Variants in MLIP observed in about 807,000 individuals in gnomAD.
MLIP encodes the protein muscular LMNA-interacting protein.
Under a neutral mutation model 84.8 loss-of-function variants are expected in MLIP, and 79 were observed. The ratio of observed to expected loss-of-function variants is 0.93; its 90% CI spans 0.78 to 1.12. The LOEUF (loss-of-function observed/expected upper bound fraction) is 1.12, where lower values mean the gene tolerates loss of function less well. Ranked by LOEUF, MLIP falls within the 50% of genes most tolerant of loss-of-function variation. MLIP has a pLI of 0.00. For missense variants in MLIP, 1,257 were observed against 1,160.6 expected, an observed-to-expected ratio of 1.08 and a Z score of -1.21; for synonymous variants, 504 against 463.0, an observed-to-expected ratio of 1.09 and a Z score of -1.14.
In MLIP at chr6:54,075,762, G is replaced by C. The variant is rs11965076; in HGVS notation, c.64-45685G>C. Among the ~76,000 whole-genome samples the C allele has an allele frequency of 7.3e-3, 1,109 of 152,254 alleles. 2 individuals are homozygous for C. The highest frequency in any genetic ancestry group is 0.011 in the Non-Finnish European group (778 of 68,008). On this transcript the variant is annotated intron_variant, in intron 1 of 12. Transcript: ENST00000274897. ...CCTCTTTTATTCCATATGGGCTCCT[G>C]GTCTCTCAGGTCACCAAGGTAGTTT...
chr6:54,092,390 G>A (rs923829991), intron 1 of MLIP, among the ~76,000 whole-genome samples: 11 of 151,974 alleles, frequency 7.2e-5, no homozygotes, highest in African/African-American at 2.7e-4. Context: ...TATATATCTT[G>A]GTACAAGTTC....
At chr6:54,213,323 T>G (rs1211835881) in intron 11 of MLIP, among the ~76,000 whole-genome samples, 1 of 152,210 alleles carries the variant, frequency 6.6e-6, no homozygotes, top group Non-Finnish European at 1.5e-5. Flanking sequence ...ATAATACTCC[T>G]TAAGCATGAA....
In MLIP at chr6:54,160,789, A is replaced by G; in HGVS notation, c.2489A>G (p.Asp830Gly). 1 of 1,605,422 alleles carries G rather than the reference A, an allele frequency of 6.2e-7. No homozygotes were observed. The highest frequency in any genetic ancestry group is 8.5e-7 in the Non-Finnish European group (1 of 1,173,432). ...TCCCCAAAGACATTGTTGGGTTCTG[A>G]CACAGTCAAAGTATGTATGTATTTA... ...SRSPKTLLGS[D>G]TVKTPTTLPR... is the part of the protein sequence containing the mutation. Residue 830 changes from aspartate to glycine, a missense_variant, in exon 8 of 14, where the codon GAC (aspartate) becomes GGC (glycine). By Grantham distance (94) the Asp-to-Gly change is moderately conservative. Coordinates refer to ENST00000502396, the MANE Select transcript of MLIP (RefSeq NM_001281747.2).
intron 9 of MLIP, among the ~76,000 whole-genome samples, chr6:54,187,226 A>C (rs1209409369): frequency 2.6e-5 from 4 of 152,166 alleles, no homozygotes; most frequent in African/African-American, 7.2e-5. Flanking sequence ...GGCCCCCATG[A>C]GGGCAAATGT....
intron 9 of MLIP, among the ~76,000 whole-genome samples, chr6:54,174,121 CTTTA>C: frequency 6.6e-6 from 1 of 152,078 alleles, no homozygotes; most frequent in African/African-American, 2.4e-5. Context: ...ACCATGTTTT[CTTTA>C]TTCATTCATC....
chr6:54,235,195 T>C (rs1781282606), intron 12 of MLIP, among the ~76,000 whole-genome samples: 1 of 152,244 alleles, frequency 6.6e-6, no homozygotes, highest in South Asian at 2.1e-4. Flanking sequence ...TGCGTTCTTA[T>C]ATTTTCTCAC....
At chr6:54,087,748 A>G (rs1162850321) in intron 1 of MLIP, among the ~76,000 whole-genome samples, 1 of 152,034 alleles carries the variant, frequency 6.6e-6, no homozygotes, top group Non-Finnish European at 1.5e-5. Flanking sequence ...TGATGCTGCC[A>G]TTTACTGAAC....
intron 1 of MLIP, among the ~76,000 whole-genome samples, chr6:54,114,738 T>A (rs2150414250): frequency 6.6e-6 from 1 of 152,332 alleles, no homozygotes; most frequent in East Asian, 1.9e-4. Context: ...TAGGGATTTT[T>A]GTTCACTGTT....
In MLIP at chr6:54,230,932, C is replaced by G. The variant is rs749835954; in HGVS notation, c.2922+15C>G. ...CATGCAACAAGGTGAGAACTCCTCCCCAAAATGAGGACTATTCTATTCTGT... is the reference window on the plus strand; with the variant it reads ...CATGCAACAAGGTGAGAACTCCTCCGCAAAATGAGGACTATTCTATTCTGT... On this transcript the variant is annotated intron_variant, in intron 12 of 13. Coordinates refer to ENST00000502396, the MANE Select transcript of MLIP (RefSeq NM_001281747.2). The G allele has an allele frequency of 6.2e-7, 1 of 1,611,620 alleles. No homozygotes were observed. The highest frequency in any genetic ancestry group is 2.2e-5 in the East Asian group (1 of 44,854).
chr6:54,202,288 AAATATATAT>A (rs1778742335), intron 11 of MLIP, 55 bp downstream of exon 11: 11 of 727,606 alleles, frequency 1.5e-5, no homozygotes, highest in Middle Eastern at 4.6e-4. Flanking sequence ...AATATATATA[AAATATATAT>A]AAATATATAA....
At position 54,074,206 on chromosome 6, in the gene MLIP, A is replaced by T. The variant is rs146446793; in HGVS notation, c.64-47241A>T. Among the ~76,000 whole-genome samples the T allele has an allele frequency of 5.1e-3, 771 of 152,220 alleles. 7 individuals carry two copies. The highest frequency in any genetic ancestry group is 0.017 in the African/African-American group (718 of 41,520). On this transcript the variant is annotated intron_variant, in intron 1 of 12. Transcript: ENST00000274897. The stretch of plus-strand genomic sequence containing the variant: ...TGGCTCCCAGTATGTTCCTGTTGTG[A>T]TAGGTAGAAATATGTAATTGATTTT...
chr6:54,127,139 T>A (rs1488426871), intron 3 of MLIP, among the ~76,000 whole-genome samples: 1 of 152,166 alleles, frequency 6.6e-6, no homozygotes, highest in Non-Finnish European at 1.5e-5. Context: ...TCAAGTAGCA[T>A]CTCCTCTTAA....
At chr6:54,208,252 A>C (rs1779180181) in intron 11 of MLIP, among the ~76,000 whole-genome samples, 1 of 152,232 alleles carries the variant, frequency 6.6e-6, no homozygotes, top group Non-Finnish European at 1.5e-5. Context: ...TTTAAATAAT[A>C]TCCAAAATAA....
rs116489593 is a variant in MLIP at position 54,215,278 on chromosome 6, C to T, written c.2718+13045C>T. 2.5e-3 allele frequency: 3,641 copies of T among 1,476,466 alleles called. 76 individuals are homozygous for T. In the African/African-American group the frequency reaches 0.043, roughly 17 times the overall value. 91.5% of individuals were successfully genotyped at this position (1,476,466 alleles called of 1,614,324 possible). On this transcript the variant is annotated intron_variant, in intron 11 of 13. Coordinates refer to ENST00000502396, the MANE Select transcript of MLIP (RefSeq NM_001281747.2). Reference sequence around the variant, plus strand: ...CTACTTCCTGAAAAAGAGAAAAAGACGATGATAGAATTCAATGGCAAGAAC... The same window carrying T: ...CTACTTCCTGAAAAAGAGAAAAAGATGATGATAGAATTCAATGGCAAGAAC...
intron 1 of MLIP, among the ~76,000 whole-genome samples, chr6:54,041,517 C>G (rs1764740840): frequency 6.6e-6 from 1 of 151,998 alleles, no homozygotes; most frequent in Non-Finnish European, 1.5e-5. Context: ...TCCAGGGTGG[C>G]CAAAATATTT....
intron 12 of MLIP, among the ~76,000 whole-genome samples, chr6:54,256,084 G>A (rs1483219292): frequency 6.6e-6 from 1 of 152,118 alleles, no homozygotes; most frequent in African/African-American, 2.4e-5. Context: ...GCCAGATCAT[G>A]CTTCTATTTA....
chr6:54,210,137 T>TCACCGCACCG (rs368113481), intron 11 of MLIP, among the ~76,000 whole-genome samples: 799 of 151,452 alleles, frequency 5.3e-3, no homozygotes, highest in African/African-American at 0.018. Context: ...CCACCTCACC[T>TCACCGCACCG]CACCGCACCG....
chr6:54,182,469 C>A (rs1259878614), intron 9 of MLIP, among the ~76,000 whole-genome samples: 1 of 152,200 alleles, frequency 6.6e-6, no homozygotes, highest in Non-Finnish European at 1.5e-5. Context: ...GAAGTTAAAA[C>A]TAGGTACTAT....
At chr6:54,070,745 T>C (rs1766437352) in intron 1 of MLIP, among the ~76,000 whole-genome samples, 1 of 152,208 alleles carries the variant, frequency 6.6e-6, no homozygotes, top group Non-Finnish European at 1.5e-5. Flanking sequence ...TGTTTTTTTA[T>C]GTGCATAGTA....
Sources: allele counts gnomAD v4.1 joint callset (sites outside exome capture counted in the v4.1 genomes callset), GRCh38; gene constraint gnomAD v4.1.1; transcripts MANE v1.5; gene names NCBI Gene and HGNC (gene_info 2026-07-23, HGNC 2026-07-21).